NTM: variants seen among roughly 807,000 people sequenced by gnomAD.
NTM encodes neurotrimin, also known as IgLON family member 2.
Under a neutral mutation model 42.1 loss-of-function variants are expected in NTM, and 13 were observed. That is an observed-to-expected ratio of 0.31 (90% CI 0.20 to 0.49). The LOEUF (loss-of-function observed/expected upper bound fraction) is 0.49. NTM is among the 20% of genes least tolerant of loss of function. The pLI is 0.99. For missense variants in NTM, 373 were observed against 452.8 expected, an observed-to-expected ratio of 0.82 and a Z score of 1.60; for synonymous variants, 187 against 179.2, an observed-to-expected ratio of 1.04 and a Z score of -0.35.
chr11:131,378,383 G>A (rs144770598), intron 1 of NTM, among the ~76,000 whole-genome samples: 124 of 152,250 alleles, frequency 8.1e-4, no homozygotes, highest in African/African-American at 2.7e-3. Context: ...TTATTGATAG[G>A]TAGTGGTTCT....
At chr11:131,644,947 G>A (rs939528930) in intron 1 of NTM, among the ~76,000 whole-genome samples, 7 of 152,050 alleles carry the variant, frequency 4.6e-5, no homozygotes, top group Non-Finnish European at 8.8e-5. Flanking sequence ...TCCATCAAGT[G>A]CTCCTTCGAC....
chr11:131,554,428 G>A (rs2055114435), intron 1 of NTM, among the ~76,000 whole-genome samples: 1 of 151,848 alleles, frequency 6.6e-6, no homozygotes, highest in Non-Finnish European at 1.5e-5. Context: ...TGAGACTTTT[G>A]GCAGGAAAAA....
At chr11:131,762,477 G>A (rs2084367841) in intron 1 of NTM, among the ~76,000 whole-genome samples, 1 of 152,202 alleles carries the variant, frequency 6.6e-6, no homozygotes, top group African/African-American at 2.4e-5. Context: ...GGCAGTGTGG[G>A]CTGCATGCAG....
intron 1 of NTM, among the ~76,000 whole-genome samples, chr11:131,830,233 G>C (rs1487080106): frequency 1.3e-5 from 2 of 151,926 alleles, no homozygotes; most frequent in African/African-American, 2.4e-5. Context: ...TGAGGATGTA[G>C]TTCTTTCCCA....
At chr11:131,409,996 G>A (rs1017312823) in intron 1 of NTM, among the ~76,000 whole-genome samples, 1 of 152,126 alleles carries the variant, frequency 6.6e-6, no homozygotes, top group Non-Finnish European at 1.5e-5. Flanking sequence ...TAGCTGAACA[G>A]GAAGAGGGCC....
chr11:131,999,452 A>G (rs2068749377), intron 2 of NTM, among the ~76,000 whole-genome samples: 1 of 152,242 alleles, frequency 6.6e-6, no homozygotes, highest in Admixed American at 6.5e-5. Context: ...GAAGAAAAGA[A>G]GGTACTGTCA....
intron 1 of NTM, among the ~76,000 whole-genome samples, chr11:131,633,497 C>T (rs2134139985): frequency 6.6e-6 from 1 of 152,156 alleles, no homozygotes; most frequent in Non-Finnish European, 1.5e-5. Context: ...GCTGCATATC[C>T]TTTTCACTGT....
chr11:131,958,698 A>C (rs1234532147), intron 2 of NTM, among the ~76,000 whole-genome samples: 1 of 152,204 alleles, frequency 6.6e-6, no homozygotes, highest in Non-Finnish European at 1.5e-5. Context: ...GGCCTCCCAC[A>C]AACCAAGCAA....
chr11:131,491,159 G>A (rs983788281), intron 1 of NTM, among the ~76,000 whole-genome samples: 4 of 152,038 alleles, frequency 2.6e-5, no homozygotes, highest in East Asian at 1.9e-4. Flanking sequence ...TTTCTATAAC[G>A]TTACCAATCA....
intron 1 of NTM, among the ~76,000 whole-genome samples, chr11:131,786,072 C>T (rs1384327570): frequency 6.6e-6 from 1 of 152,128 alleles, no homozygotes; most frequent in Non-Finnish European, 1.5e-5. Context: ...GGGTTTCTTT[C>T]AGGGAGAGCC....
intron 2 of NTM, among the ~76,000 whole-genome samples, chr11:132,144,381 C>T (rs1328879951): frequency 1.3e-5 from 2 of 152,196 alleles, no homozygotes; most frequent in Non-Finnish European, 2.9e-5. Context: ...ACATGTGGAG[C>T]TGGCTTCACA....
At chr11:131,503,817 T>C (rs1335850238) in intron 1 of NTM, among the ~76,000 whole-genome samples, 1 of 152,150 alleles carries the variant, frequency 6.6e-6, no homozygotes, top group Admixed American at 6.5e-5. Flanking sequence ...ACTGAGGTTA[T>C]ACATTTAAAC....
chr11:131,550,240 A>C (rs542870685), intron 1 of NTM, among the ~76,000 whole-genome samples: 1 of 152,240 alleles, frequency 6.6e-6, no homozygotes, highest in African/African-American at 2.4e-5. Flanking sequence ...TGAGCCCAGG[A>C]GTTTGAGACC....
chr11:132,047,845 T>C (rs540267079), intron 2 of NTM, among the ~76,000 whole-genome samples: 40 of 152,306 alleles, frequency 2.6e-4, no homozygotes, highest in Admixed American at 7.2e-4. Context: ...TTACGTATCA[T>C]ATTACATCCT....
At chr11:131,895,677 AATATAC>A (rs1303875988) in intron 1 of NTM, among the ~76,000 whole-genome samples, 1 of 152,038 alleles carries the variant, frequency 6.6e-6, no homozygotes, top group Non-Finnish European at 1.5e-5. Context: ...ATATATGTGA[AATATAC>A]ATATATATGT....
rs777241129 is a variant in NTM, at chr11:131,988,061, G to A, written c.167+76413G>A. 4.6e-5 allele frequency among the ~76,000 whole-genome samples: 7 copies of A among 152,198 alleles called. No individual in the cohort carries two copies. The South Asian group carries it at 6.2e-4, about 14-fold the overall frequency. ...GAAGTCCAATATCAAGGCACCATCCGATTTGGTGTCTGTTGAGAGTCCATT... is the reference window on the plus strand; with the variant it reads ...GAAGTCCAATATCAAGGCACCATCCAATTTGGTGTCTGTTGAGAGTCCATT... On this transcript the variant is annotated intron_variant, in intron 2 of 8. Coordinates refer to ENST00000683400, the MANE Select transcript of NTM (RefSeq NM_001352005.2).
At chr11:132,120,694 G>T (rs2064655160) in intron 2 of NTM, among the ~76,000 whole-genome samples, 1 of 152,178 alleles carries the variant, frequency 6.6e-6, no homozygotes, top group South Asian at 2.1e-4. Flanking sequence ...GTTCTGCAAG[G>T]ATTAGTAGGC....
intron 1 of NTM, among the ~76,000 whole-genome samples, chr11:131,481,413 C>T (rs1953573761): frequency 1.3e-5 from 2 of 152,124 alleles, no homozygotes; most frequent in Admixed American, 6.5e-5. Flanking sequence ...AGGACTGACC[C>T]CAGTTTGGGA....
chr11:132,195,377 C>A (rs1592148822), intron 3 of NTM, among the ~76,000 whole-genome samples: 2 of 150,950 alleles, frequency 1.3e-5, no homozygotes, highest in East Asian at 4.0e-4. Flanking sequence ...CTTCCCAAAC[C>A]AATTTACAGA....
Sources: allele counts gnomAD v4.1 joint callset (sites outside exome capture counted in the v4.1 genomes callset), GRCh38; gene constraint gnomAD v4.1.1; transcripts MANE v1.5; gene names NCBI Gene and HGNC (gene_info 2026-07-23, HGNC 2026-07-21).